MITF: variants seen among roughly 807,000 people sequenced by gnomAD.
The protein encoded by MITF is melanocyte inducing transcription factor, also known as microphthalmia-associated transcription factor.
A neutral mutation model predicts 60.5 loss-of-function variants in MITF; 17 were observed. That is an observed-to-expected ratio of 0.28 (90% confidence interval 0.19 to 0.42). The LOEUF (loss-of-function observed/expected upper bound fraction) is 0.42. MITF is among the 10% of genes least tolerant of loss of function. The pLI, the probability that MITF is intolerant of heterozygous loss-of-function variation, is 1.00. For missense variants in MITF, 622 were observed against 683.5 expected, an observed-to-expected ratio of 0.91 and a Z score of 1.00; for synonymous variants, 260 against 248.5, an observed-to-expected ratio of 1.05 and a Z score of -0.43.
At chr3:69,936,313 A>G (rs2065833458) in intron 2 of MITF, among the ~76,000 whole-genome samples, 1 of 152,200 alleles carries the variant, frequency 6.6e-6, no homozygotes. Context: ...GCTGAAAGAG[A>G]AATACCATTG....
intron 1 of MITF, among the ~76,000 whole-genome samples, chr3:69,813,645 G>T (rs1458827347): frequency 6.6e-6 from 1 of 152,086 alleles, no homozygotes; most frequent in Non-Finnish European, 1.5e-5. Context: ...TTCTTTAAAA[G>T]GTGTAAAGTT....
intron 1 of MITF, among the ~76,000 whole-genome samples, chr3:69,820,321 G>A (rs770912989): frequency 6.6e-6 from 1 of 152,116 alleles, no homozygotes; most frequent in Non-Finnish European, 1.5e-5. Context: ...CTTTACCAGG[G>A]ATGTTCATGG....
At chr3:69,794,861 A>G (rs2062803056) in intron 1 of MITF, among the ~76,000 whole-genome samples, 1 of 152,144 alleles carries the variant, frequency 6.6e-6, no homozygotes, top group Admixed American at 6.5e-5. Context: ...ATCAAATAGT[A>G]TTTGTTCTTT....
At chr3:69,886,865 G>A (rs921514783) in intron 2 of MITF, among the ~76,000 whole-genome samples, 2 of 151,996 alleles carry the variant, frequency 1.3e-5, no homozygotes, top group African/African-American at 2.4e-5. Flanking sequence ...CATAACTCAA[G>A]TCACTTATAT....
intron 1 of MITF, among the ~76,000 whole-genome samples, chr3:69,831,735 T>C (rs1334659896): frequency 2.6e-5 from 4 of 152,156 alleles, no homozygotes; most frequent in Non-Finnish European, 4.4e-5. Flanking sequence ...CAAATACTTA[T>C]TAAGTATATA....
intron 2 of MITF, among the ~76,000 whole-genome samples, chr3:69,894,531 T>A (rs2064830187): frequency 6.6e-6 from 1 of 151,936 alleles, no homozygotes; most frequent in Non-Finnish European, 1.5e-5. Context: ...ACTAAAAGTA[T>A]GAAAATTAGC....
At chr3:69,895,850 A>ATG (rs937012702) in intron 2 of MITF, among the ~76,000 whole-genome samples, 19 of 102,120 alleles carry the variant, frequency 1.9e-4, no homozygotes, top group African/African-American at 5.8e-4. Context: ...GTGTGTGTGT[A>ATG]TGTGTGTGTT....
At chr3:69,900,735 CA>C (rs1405665915) in intron 2 of MITF, among the ~76,000 whole-genome samples, 1 of 151,938 alleles carries the variant, frequency 6.6e-6, no homozygotes, top group Admixed American at 6.6e-5. Flanking sequence ...TGTTGAAGAA[CA>C]AAAGTAACAT....
chr3:69,901,073 A>G (rs967712740), intron 2 of MITF, among the ~76,000 whole-genome samples: 1 of 152,110 alleles, frequency 6.6e-6, no homozygotes, highest in Admixed American at 6.5e-5. Flanking sequence ...GTTTGGAGGA[A>G]GGTTGCTACA....
At position 69,959,297 on chromosome 3, in the gene MITF, C is replaced by T. The variant is rs766006413; in HGVS notation, c.1056C>T (p.Thr352=). ...NDPDMRWNKG[T]ILKASVDYIR... Reference sequence around the variant, plus strand: ...GAGACATGCGCTGGAACAAGGGAACCATCTTAAAAGCATCCGTGGACTATA... The same window carrying T: ...GAGACATGCGCTGGAACAAGGGAACTATCTTAAAAGCATCCGTGGACTATA... The change falls in exon 9 of 10, where the codon ACC becomes ACT. Residue 352 remains threonine, a synonymous_variant. Coordinates refer to ENST00000352241, the MANE Select transcript of MITF (RefSeq NM_001354604.2). 2.6e-5 allele frequency: 42 copies of T among 1,613,880 alleles called. No individual in the cohort carries two copies. Among genetic ancestry groups the T allele is most frequent in the Non-Finnish European group, 3.3e-5 (39 of 1,179,994 alleles).
At chr3:69,793,490 T>TTAGA (rs919433128) in intron 1 of MITF, among the ~76,000 whole-genome samples, 10 of 99,708 alleles carry the variant, frequency 1.0e-4, no homozygotes, top group African/African-American at 3.1e-4. Context: ...CTTCTACCCA[T>TTAGA]TAGATGCTCA....
chr3:69,811,781 T>C (rs1267885323), intron 1 of MITF, among the ~76,000 whole-genome samples: 1 of 152,100 alleles, frequency 6.6e-6, no homozygotes, highest in Non-Finnish European at 1.5e-5. Flanking sequence ...ACCACCTTGG[T>C]CTTTGTGTGA....
At chr3:69,750,107 C>T (rs756696560) in intron 1 of MITF, among the ~76,000 whole-genome samples, 3 of 152,102 alleles carry the variant, frequency 2.0e-5, no homozygotes, top group African/African-American at 4.8e-5. Flanking sequence ...ATCAATGATA[C>T]CACATGTCAA....
intron 2 of MITF, among the ~76,000 whole-genome samples, chr3:69,883,920 T>C (rs1276029345): frequency 6.6e-6 from 1 of 152,154 alleles, no homozygotes; most frequent in East Asian, 1.9e-4. Context: ...TTTATAAACA[T>C]TGTTGTCCTT....
intron 2 of MITF, among the ~76,000 whole-genome samples, chr3:69,933,755 T>A (rs1046657611): frequency 6.6e-6 from 1 of 152,188 alleles, no homozygotes; most frequent in Non-Finnish European, 1.5e-5. Flanking sequence ...TGGTTAGTCA[T>A]CTGGAAAGTC....
intron 1 of MITF, among the ~76,000 whole-genome samples, chr3:69,776,479 A>T (rs1035109426): frequency 1.3e-5 from 2 of 152,190 alleles, no homozygotes; most frequent in Admixed American, 1.3e-4. Flanking sequence ...CATATGCACA[A>T]TGGAGATAGT....
At chr3:69,824,593 C>T (rs2063326266) in intron 1 of MITF, among the ~76,000 whole-genome samples, 1 of 152,174 alleles carries the variant, frequency 6.6e-6, no homozygotes, top group African/African-American at 2.4e-5. Context: ...GTGGCTTCTG[C>T]AGCATCCATG....
intron 1 of MITF, among the ~76,000 whole-genome samples, chr3:69,799,069 TC>T: frequency 6.6e-6 from 1 of 152,298 alleles, no homozygotes; most frequent in Admixed American, 6.5e-5. Context: ...TTTCTTTAGT[TC>T]CCCAACACAC....
rs189427516 is a variant in MITF, at chr3:69,773,065, C to G, written c.104+33364C>G. 1.6e-4 allele frequency among the ~76,000 whole-genome samples: 24 copies of G among 152,250 alleles called. No individual in the cohort carries two copies. The East Asian group carries it at 4.4e-3, about 28-fold the overall frequency. ...TAATTTAAAACTGAGTGGACAAGGA[C>G]TGCCTCACTGAGAAAATGACATTTG... On this transcript the variant is annotated intron_variant, in intron 1 of 9. Transcript: ENST00000352241.
Sources: gnomAD v4.1 joint callset for allele counts (sites outside exome capture counted in the v4.1 genomes callset) on GRCh38, gnomAD v4.1.1 for gene constraint, MANE v1.5 for transcripts, NCBI Gene and HGNC (gene_info 2026-07-23, HGNC 2026-07-21) for gene names.